The following FBXL7 variants were observed in gnomAD, a reference collection of about 807,000 sequenced individuals.
FBXL7 encodes the protein F-box and leucine rich repeat protein 7.
FBXL7 carries 12 observed loss-of-function variants against 38.3 expected under a neutral mutation model. The observed-to-expected ratio is 0.31, with a 90% CI of 0.20 to 0.51. The LOEUF is 0.51. FBXL7 is among the 20% of genes least tolerant of loss of function. The pLI is 0.98. For missense variants in FBXL7, 567 were observed against 676.4 expected (o/e 0.84, Z 1.79); for synonymous variants, 297 against 300.9 (o/e 0.99, Z 0.13).
intron 1 of FBXL7, among the ~76,000 whole-genome samples, chr5:15,585,783 T>A (rs1739281103): frequency 1.3e-5 from 2 of 152,236 alleles, no homozygotes. Flanking sequence ...TAAATATTTT[T>A]TCAGACCCAT....
At chr5:15,888,467 G>T (rs1416063372) in intron 2 of FBXL7, among the ~76,000 whole-genome samples, 4 of 152,038 alleles carry the variant, frequency 2.6e-5, no homozygotes, top group Admixed American at 2.6e-4. Flanking sequence ...GACCTCAAGT[G>T]ATCTGCCGAC....
At chr5:15,581,096 C>G (rs1163148785) in intron 1 of FBXL7, among the ~76,000 whole-genome samples, 2 of 152,112 alleles carry the variant, frequency 1.3e-5, no homozygotes, top group Admixed American at 6.5e-5. Flanking sequence ...CATATTTGAA[C>G]AGTTCACAAA....
intron 2 of FBXL7, among the ~76,000 whole-genome samples, chr5:15,896,389 C>T (rs1741104102): frequency 1.3e-5 from 2 of 152,156 alleles, no homozygotes; most frequent in Admixed American, 1.3e-4. Context: ...AAACCTAATG[C>T]AAATGAATAA....
At chr5:15,800,897 A>G (rs1561131375) in intron 2 of FBXL7, among the ~76,000 whole-genome samples, 1 of 152,208 alleles carries the variant, frequency 6.6e-6, no homozygotes, top group Non-Finnish European at 1.5e-5. Context: ...GTCAGTCAGG[A>G]TTCTCCAGAG....
At chr5:15,845,465 CT>C (rs759381985) in intron 2 of FBXL7, among the ~76,000 whole-genome samples, 4 of 151,724 alleles carry the variant, frequency 2.6e-5, no homozygotes, top group Non-Finnish European at 5.9e-5. Flanking sequence ...CTCTTACAAG[CT>C]GAGAAAATTA....
At chr5:15,699,058 G>C (rs2126630913) in intron 2 of FBXL7, among the ~76,000 whole-genome samples, 1 of 151,984 alleles carries the variant, frequency 6.6e-6, no homozygotes, top group East Asian at 1.9e-4. Flanking sequence ...GTTGTCTTCA[G>C]AGCACATTTT....
At chr5:15,539,092 C>A (rs1330022636) in intron 1 of FBXL7, among the ~76,000 whole-genome samples, 8 of 152,166 alleles carry the variant, frequency 5.3e-5, no homozygotes, top group African/African-American at 1.9e-4. Context: ...TACTTATATA[C>A]CTGAGCTTTT....
chr5:15,546,820 G>A (rs1196756551), intron 1 of FBXL7, among the ~76,000 whole-genome samples: 1 of 152,190 alleles, frequency 6.6e-6, no homozygotes, highest in Non-Finnish European at 1.5e-5. Context: ...CTATTGGATA[G>A]ATACATATGC....
At chr5:15,800,484 A>G (rs1449216105) in intron 2 of FBXL7, among the ~76,000 whole-genome samples, 1 of 152,172 alleles carries the variant, frequency 6.6e-6, no homozygotes, top group Non-Finnish European at 1.5e-5. Context: ...CAAACAAACC[A>G]ACTCTTCTCA....
At chr5:15,877,906 C>A (rs1740277875) in intron 2 of FBXL7, among the ~76,000 whole-genome samples, 1 of 152,182 alleles carries the variant, frequency 6.6e-6, no homozygotes, top group African/African-American at 2.4e-5. Context: ...GTTCATCTCT[C>A]ATGCCCATCC....
intron 2 of FBXL7, among the ~76,000 whole-genome samples, chr5:15,754,649 C>T (rs959298575): frequency 6.6e-6 from 1 of 152,162 alleles, no homozygotes; most frequent in Non-Finnish European, 1.5e-5. Flanking sequence ...CTGTACTATT[C>T]TAAAAGTAAA....
At chr5:15,564,105 A>G (rs1009101020) in intron 1 of FBXL7, among the ~76,000 whole-genome samples, 2 of 152,100 alleles carry the variant, frequency 1.3e-5, no homozygotes, top group Admixed American at 1.3e-4. Context: ...ATACTGAACC[A>G]TTTGGTTACC....
chr5:15,906,106 C>A (rs1741352758), intron 2 of FBXL7, among the ~76,000 whole-genome samples: 1 of 151,822 alleles, frequency 6.6e-6, no homozygotes, highest in African/African-American at 2.4e-5. Flanking sequence ...AAAAGTGGTT[C>A]TAAATAAAGA....
intron 2 of FBXL7, among the ~76,000 whole-genome samples, chr5:15,840,348 A>AGAATGAGGAGGAGGGGGTTGTACT (rs373325704): frequency 6.6e-6 from 1 of 152,226 alleles, no homozygotes; most frequent in Non-Finnish European, 1.5e-5. Context: ...CTGTTAGTAA[A>AGAATGAGGAGGAGGGGGTTGTACT]AACCCCTCCT....
intron 1 of FBXL7, among the ~76,000 whole-genome samples, chr5:15,572,510 G>A (rs1481844370): frequency 6.6e-6 from 1 of 151,946 alleles, no homozygotes; most frequent in Non-Finnish European, 1.5e-5. Flanking sequence ...CTCCTCCACT[G>A]AAATATCAAG....
intron 2 of FBXL7, among the ~76,000 whole-genome samples, chr5:15,711,019 G>A (rs912962307): frequency 3.3e-5 from 5 of 152,216 alleles, no homozygotes; most frequent in Admixed American, 3.3e-4. Flanking sequence ...TAAGTTTCAC[G>A]AGATCTGACG....
At chr5:15,930,115 A>G (rs544640088) in intron 3 of FBXL7, among the ~76,000 whole-genome samples, 24 of 152,340 alleles carry the variant, frequency 1.6e-4, no homozygotes, top group Admixed American at 3.9e-4. Context: ...AGTTGGCTTC[A>G]AGACAAAACC....
At chr5:15,531,056 G>T (rs977869972) in intron 1 of FBXL7, among the ~76,000 whole-genome samples, 2 of 152,146 alleles carry the variant, frequency 1.3e-5, no homozygotes, top group African/African-American at 4.8e-5. Flanking sequence ...CATTGGAAAA[G>T]AATCAAAATC....
chr5:15,523,966 G>A (rs1450735508), intron 1 of FBXL7, among the ~76,000 whole-genome samples: 1 of 152,194 alleles, frequency 6.6e-6, no homozygotes, highest in Non-Finnish European at 1.5e-5. Context: ...GTTGCATATA[G>A]AGATGTGATC....
Sources: gnomAD v4.1 joint callset for allele counts (sites outside exome capture counted in the v4.1 genomes callset) on GRCh38, gnomAD v4.1.1 for gene constraint, MANE v1.5 for transcripts, NCBI Gene and HGNC (gene_info 2026-07-23, HGNC 2026-07-21) for gene names.